Variants in SRP14 observed in about 807,000 individuals in gnomAD.
SRP14 encodes signal recognition particle 14 kDa protein.
A neutral mutation model predicts 16.0 loss-of-function variants in SRP14; 1 was observed. The observed-to-expected ratio is 0.06, with a 90% CI of 0.02 to 0.30. The LOEUF (loss-of-function observed/expected upper bound fraction) is 0.30. Ranked by LOEUF, SRP14 falls within the 10% of genes least tolerant of loss-of-function variation. SRP14 has a pLI of 1.00. For synonymous variants in SRP14, 67 were observed against 60.1 expected (o/e 1.12, Z -0.53); for missense variants, 120 against 163.1 (o/e 0.74, Z 1.44).
chr15:40,037,278 G>GTAA, intron 3 of SRP14: 43 of 193,312 alleles, frequency 2.2e-4, no homozygotes, highest in Non-Finnish European at 2.3e-4. Flanking sequence ...CTCCTTTTGG[G>GTAA]GAAAAAAAAA....
At chr15:40,038,260 CA>C (rs763152512) in intron 3 of SRP14, 21 bp downstream of exon 3, 1 of 1,555,504 alleles carries the variant, frequency 6.4e-7, no homozygotes, top group Non-Finnish European at 8.9e-7. Context: ...TTTCAAAAGA[CA>C]GCCTTAGAAA....
intron 3 of SRP14, 65 bp downstream of exon 3, chr15:40,038,217 C>T: frequency 2.3e-6 from 3 of 1,302,012 alleles, no homozygotes; most frequent in Non-Finnish European, 3.3e-6. Context: ...GGTTCAGAAA[C>T]GCCCCATCCT....
intron 4 of SRP14, 94 bp from the exon 5 acceptor site, chr15:40,036,594 A>G (rs1444238291): frequency 7.9e-6 from 10 of 1,263,366 alleles, no homozygotes; most frequent in East Asian, 2.3e-5. Flanking sequence ...GTAGCCAAAA[A>G]TCAGGAAAGA....
Position 40,038,402 on chromosome 15 carries a change from A to T in SRP14, c.98-8T>A. ...GTTTGGTTCGACCGTCATCTGAAGG[A>T]AAAAATGCATCCTGGTGAACACGGC... is the stretch of plus-strand genomic sequence containing the variant. On this transcript the variant is annotated splice_region_variant and splice_polypyrimidine_tract_variant and intron_variant, in intron 2 of 4. Transcript: ENST00000267884. 6.3e-7 allele frequency: 1 copy of T among 1,586,838 alleles called. No homozygotes were observed. Among genetic ancestry groups the T allele is most frequent in the Non-Finnish European group, 8.7e-7 (1 of 1,155,382 alleles).
intron 3 of SRP14, chr15:40,037,477 G>T: frequency 1.7e-6 from 1 of 583,002 alleles, no homozygotes; most frequent in Non-Finnish European, 2.4e-6. Flanking sequence ...GCATATTTAA[G>T]CACAATGCGA....
At chr15:40,038,415 T>C (rs372104341) in intron 2 of SRP14, 21 bp from the exon 3 acceptor site, 3 of 1,551,168 alleles carry the variant, frequency 1.9e-6, no homozygotes, top group South Asian at 2.2e-5. Context: ...AAATGCATCC[T>C]GGTGAACACG....
chr15:40,038,379 T>C lies in SRP14; in HGVS notation c.113A>G (p.Lys38Arg), dbSNP rs777145314. The C allele has an allele frequency of 1.2e-6, 2 of 1,613,932 alleles. No individual in the cohort carries two copies. Among genetic ancestry groups the C allele is most frequent in the Non-Finnish European group, 1.7e-6 (2 of 1,179,870 alleles). ...CACAGTACCCTTCTTTGGAATGGGT[T>C]TGGTTCGACCGTCATCTGAAGGAAA... is the stretch of plus-strand genomic sequence containing the variant. Reference protein sequence around the residue: ...ITLKKYDGRTKPIPKKGTVEG... With the variant: ...ITLKKYDGRTRPIPKKGTVEG... The change falls in exon 3 of 5, where the codon AAA becomes AGA. Residue 38 changes from lysine (K) to arginine (R), a missense_variant. Transcript: ENST00000267884.
intron 2 of SRP14, 48 bp from the exon 3 acceptor site, chr15:40,038,442 A>G (rs775832126): frequency 7.7e-7 from 1 of 1,300,388 alleles, no homozygotes; most frequent in Non-Finnish European, 1.1e-6. Flanking sequence ...TACGTGGCTG[A>G]GCGGCAGACA....
At chr15:40,036,554 C>A in intron 4 of SRP14, 54 bp from the exon 5 acceptor site, 1 of 1,564,654 alleles carries the variant, frequency 6.4e-7, no homozygotes, top group Non-Finnish European at 8.8e-7. Context: ...ACTGGCAGAA[C>A]ACCAGCCCTA....
rs374678439 is a variant in SRP14, at chr15:40,038,346, A to C, written c.146T>G (p.Phe49Cys). The change falls in exon 3 of 5, where the codon TTT (phenylalanine) becomes TGT (cysteine). Residue 49 changes from phenylalanine to cysteine, a missense_variant. By Grantham distance (205) the Phe-to-Cys change is radical. This residue lies in a region of SRP14 where 44 missense variants were observed against 93.1 expected (regional missense o/e 0.47). Transcript: ENST00000267884. ...PIPKKGTVEG[F>C]EPADNKCLLR... ...CAGACACTTGTTGTCTGCGGGCTCA[A>C]AGCCCTCCACAGTACCCTTCTTTGG... 2.9e-4 allele frequency: 463 copies of C among 1,614,138 alleles called. No individual in the cohort carries two copies. The highest frequency in any genetic ancestry group is 3.8e-4 in the Non-Finnish European group (452 of 1,180,020).
intron 3 of SRP14, chr15:40,037,278 G>GAAAAAAAAAA (rs202158543): frequency 1.6e-5 from 3 of 193,444 alleles, no homozygotes; most frequent in African/African-American, 1.5e-4. Flanking sequence ...CTCCTTTTGG[G>GAAAAAAAAAA]GAAAAAAAAA....
rs1358838335 is a variant in SRP14 at position 40,039,108 on chromosome 15, C to T, written c.9G>A (p.Leu3=). The T allele has an allele frequency of 1.2e-6, 2 of 1,612,772 alleles. No homozygotes were observed. Among genetic ancestry groups the T allele is most frequent in the Non-Finnish European group, 1.7e-6 (2 of 1,179,678 alleles). Residue 3 remains leucine (L), a synonymous_variant, in exon 1 of 5, where the codon TTG becomes TTA. Transcript: ENST00000267884. MV[L]LESEQFLTEL... is the part of the protein sequence containing the mutation. The stretch of plus-strand genomic sequence containing the variant: ...CTAGCCATACCTGCTCGCTCTCCAA[C>T]AACACCATCGCGGCGACGCTGGCTC...
chr15:40,038,473 G>C (rs943736717), intron 2 of SRP14, 79 bp from the exon 3 acceptor site: 18 of 1,000,974 alleles, frequency 1.8e-5, no homozygotes, highest in Non-Finnish European at 1.1e-5. Flanking sequence ...ACAGAGGAGT[G>C]GGGTAAGTGA....
In SRP14 at chr15:40,036,914, T is replaced by C. The variant is rs781695690; in HGVS notation, c.243+72A>G. On this transcript the variant is annotated intron_variant, in intron 4 of 4. Coordinates refer to ENST00000267884, the MANE Select transcript of SRP14 (RefSeq NM_003134.6). The stretch of plus-strand genomic sequence containing the variant: ...GGAGAGCAGTGAACCCAAGTATCAA[T>C]CTTACCCAGTGTTCACTATCATACT... 56 of 1,544,130 alleles carry C rather than the reference T, an allele frequency of 3.6e-5. No individual in the cohort carries two copies. In the African/African-American group the frequency reaches 5.7e-4, roughly 16 times the overall value.
intron 3 of SRP14, 126 bp downstream of exon 3, chr15:40,038,156 T>C (rs2035659113): frequency 1.4e-6 from 1 of 721,344 alleles, no homozygotes; most frequent in South Asian, 1.6e-5. Flanking sequence ...AGGAAGGTCC[T>C]GGTCTCAAAA....
intron 3 of SRP14, chr15:40,037,266 G>C (rs2035639279): frequency 1.1e-6 from 1 of 929,650 alleles, no homozygotes; most frequent in Admixed American, 7.6e-5. Context: ...AAAGGCAGTA[G>C]GCTCCTTTTG....
At position 40,036,341 on chromosome 15, in the gene SRP14, C is replaced by T; in HGVS notation, c.403G>A (p.Ala135Thr). The T allele has an allele frequency of 6.2e-7, 1 of 1,612,496 alleles. No individual in the cohort carries two copies. Among genetic ancestry groups the T allele is most frequent in the East Asian group, 2.2e-5 (1 of 44,878 alleles). Residue 135 changes from alanine to threonine, a missense_variant, in exon 5 of 5, where the codon GCA (alanine) becomes ACA (threonine). Physicochemically the swap from Ala to Thr is moderately conservative, Grantham distance 58. Around this residue, in one of 3 missense-constraint regions of SRP14, gnomAD observed 43 missense variants for 37.0 expected, o/e 1.16. Transcript: ENST00000267884. The part of the protein sequence containing the change: ...TTAATTAATA[A>T]Q ...CAGGAAATGTATGCCCTTTACTGTG[C>T]TGCTGTTGCTGCTGTTGTTGCTGCT...
chr15:40,037,932 A>G (rs928717314), intron 3 of SRP14, among the ~76,000 whole-genome samples: 5 of 152,216 alleles, frequency 3.3e-5, no homozygotes, highest in Non-Finnish European at 5.9e-5. Context: ...AAAGATAAGG[A>G]AATAATAGCA....
rs2035616681 is a variant in SRP14, at chr15:40,036,183, TC to T, written c.*149del. The stretch of plus-strand genomic sequence containing the variant: ...ATAAACTAGATTCTTACCACAACTA[TC>T]CTATAAACACTGCAACTATTCTTTC... On this transcript the variant is annotated 3_prime_UTR_variant, in exon 5 of 5. Coordinates refer to ENST00000267884, the MANE Select transcript of SRP14 (RefSeq NM_003134.6). 7.4e-7 allele frequency: 1 copy of T among 1,356,416 alleles called. No individual in the cohort carries two copies. Among genetic ancestry groups the T allele is most frequent in the South Asian group, 1.4e-5 (1 of 71,300 alleles). The allele number at this position is 1,356,416 out of a possible 1,614,324, so 84.0% of individuals were successfully genotyped here.
Sources: allele counts gnomAD v4.1 joint callset (sites outside exome capture counted in the v4.1 genomes callset), GRCh38; gene constraint gnomAD v4.1.1; regional missense constraint gnomAD v4.1.1; transcripts MANE v1.5; gene names NCBI Gene and HGNC (gene_info 2026-07-23, HGNC 2026-07-21).